Variants in TMF1 observed in about 807,000 individuals in gnomAD.
TMF1 encodes TATA element modulatory factor.
Under a neutral mutation model 126.5 loss-of-function variants are expected in TMF1, and 71 were observed. That is an observed-to-expected ratio of 0.56 (90% CI 0.46 to 0.68). TMF1 has a LOEUF of 0.68. Among genes scored for constraint, TMF1 ranks in the 30% least tolerant of loss-of-function variants. TMF1 has a pLI of 0.00. For synonymous variants in TMF1, 461 were observed against 430.5 expected (o/e 1.07, Z -0.88); for missense variants, 1,259 against 1,253.2 (o/e 1.00, Z -0.07).
chr3:69,026,788 T>C (rs1426737645), intron 13 of TMF1, among the ~76,000 whole-genome samples: 1 of 152,124 alleles, frequency 6.6e-6, no homozygotes. Context: ...ATACTATCAA[T>C]TAAACCTATT....
chr3:69,038,511 G>A, intron 8 of TMF1, 53 bp downstream of exon 8: 1 of 1,555,396 alleles, frequency 6.4e-7, no homozygotes, highest in Non-Finnish European at 8.8e-7. Context: ...TTAATTTGTA[G>A]AAGCATAAAC....
At chr3:69,051,680 A>C (rs2091930426) in intron 1 of TMF1, among the ~76,000 whole-genome samples, 1 of 152,046 alleles carries the variant, frequency 6.6e-6, no homozygotes, top group African/African-American at 2.4e-5. Flanking sequence ...AAGACCAACC[A>C]ACCAAGTCCC....
chr3:69,022,303 A>G lies in TMF1; in HGVS notation c.*874T>C, dbSNP rs2107451304. 1 of 152,388 alleles carries G rather than the reference A, an allele frequency of 6.6e-6. No individual in the cohort carries two copies. Among genetic ancestry groups the G allele is most frequent in the East Asian group, 1.9e-4 (1 of 5,194 alleles). The allele number at this position is 152,388 out of a possible 1,614,324, so 9.4% of individuals were successfully genotyped here. ...TGCTAAAAATATGGGTTTACAAAATATGAACAGGTAATTTTTAAAGAGTAA... is the reference window on the plus strand; with the variant it reads ...TGCTAAAAATATGGGTTTACAAAATGTGAACAGGTAATTTTTAAAGAGTAA... On this transcript the variant is annotated 3_prime_UTR_variant, in exon 17 of 17. Transcript: ENST00000398559.
intron 2 of TMF1, among the ~76,000 whole-genome samples, chr3:69,045,472 A>AAAAT (rs919742317): frequency 6.1e-5 from 9 of 147,554 alleles, no homozygotes; most frequent in East Asian, 4.1e-4. Flanking sequence ...TCAAAAAGTA[A>AAAAT]AAATAAATAA....
intron 10 of TMF1, 97 bp downstream of exon 10, chr3:69,033,451 T>C (rs1575812243): frequency 4.5e-6 from 6 of 1,334,396 alleles, no homozygotes; most frequent in Admixed American, 2.6e-5. Flanking sequence ...AAAATGTAAC[T>C]ATCAGATCAA....
chr3:69,038,123 C>G (rs943545761), intron 8 of TMF1, among the ~76,000 whole-genome samples: 1 of 152,086 alleles, frequency 6.6e-6, no homozygotes, highest in Non-Finnish European at 1.5e-5. Flanking sequence ...TTGATAATAA[C>G]CACAAAGTAT....
In TMF1 at chr3:69,038,697, G is replaced by C; in HGVS notation, c.2018C>G (p.Ala673Gly). The C allele has an allele frequency of 6.2e-7, 1 of 1,612,398 alleles. No individual in the cohort carries two copies. Residue 673 changes from alanine to glycine, a missense_variant, in exon 8 of 17, where the codon GCC becomes GGC. By Grantham distance (60) the Ala-to-Gly change is moderately conservative. Coordinates refer to ENST00000398559, the MANE Select transcript of TMF1 (RefSeq NM_007114.3). Reference sequence around the variant, plus strand: ...TGCCTCACTATCCTTTGCAGCATTGGCTTTGTGAAGATCAGTAAGTTCTCT... The same window carrying C: ...TGCCTCACTATCCTTTGCAGCATTGCCTTTGTGAAGATCAGTAAGTTCTCT... The part of the protein sequence containing the change: ...AYKELTDLHK[A>G]NAAKDSEAQE...
chr3:69,027,036 C>A (rs1364926947), intron 13 of TMF1, among the ~76,000 whole-genome samples: 1 of 151,954 alleles, frequency 6.6e-6, no homozygotes, highest in Non-Finnish European at 1.5e-5. Context: ...CGATCTGTTG[C>A]CCAGGCTGGA....
Position 69,047,534 on chromosome 3 carries a change from C to T in TMF1, c.1171G>A (p.Ala391Thr), listed in dbSNP as rs1218521923. ...CTTCGTCCACTTTCTTCCATTTCTG[C>T]TTCCTCAGTGGGTATAACTAATGTT... ...NETLVIPTEEAEMEESGRSAT... is the reference protein window; with the variant it reads ...NETLVIPTEETEMEESGRSAT... The change falls in exon 2 of 17, where the codon GCA becomes ACA. Residue 391 changes from alanine to threonine, a missense_variant. Coordinates refer to ENST00000398559, the MANE Select transcript of TMF1 (RefSeq NM_007114.3). 2.0e-5 allele frequency: 32 copies of T among 1,614,030 alleles called. No homozygotes were observed. In the South Asian group the frequency reaches 3.2e-4, roughly 16 times the overall value.
At chr3:69,043,000 C>A in intron 4 of TMF1, 88 bp from the exon 5 acceptor site, 1 of 901,090 alleles carries the variant, frequency 1.1e-6, no homozygotes, top group Non-Finnish European at 1.7e-6. Flanking sequence ...AAGAAGCTGT[C>A]CATAATCACA....
At chr3:69,028,048 A>C (rs779806673) in intron 12 of TMF1, 56 bp from the exon 13 acceptor site, 2 of 1,204,190 alleles carry the variant, frequency 1.7e-6, no homozygotes, top group African/African-American at 3.1e-5. Context: ...ATGCCATGAT[A>C]AGTCAATCTC....
At chr3:69,023,445 T>C in intron 16 of TMF1, 125 bp from the exon 17 acceptor site, 2 of 800,624 alleles carry the variant, frequency 2.5e-6, no homozygotes, top group Non-Finnish European at 3.7e-6. Flanking sequence ...TCATCTCTTT[T>C]AAAAATTAAA....
chr3:69,048,626 A>G, intron 1 of TMF1, 64 bp from the exon 2 acceptor site: 1 of 1,347,768 alleles, frequency 7.4e-7, no homozygotes, highest in Non-Finnish European at 9.9e-7. Flanking sequence ...TTCAATCATC[A>G]TTATAAATCA....
At chr3:69,023,816 G>A (rs989975666) in intron 16 of TMF1, among the ~76,000 whole-genome samples, 3 of 152,102 alleles carry the variant, frequency 2.0e-5, no homozygotes, top group African/African-American at 7.2e-5. Flanking sequence ...TAAATGAAGT[G>A]TAGCCAAATG....
intron 8 of TMF1, among the ~76,000 whole-genome samples, chr3:69,037,537 G>T (rs1167251173): frequency 1.3e-5 from 2 of 152,176 alleles, no homozygotes; most frequent in Non-Finnish European, 2.9e-5. Context: ...AGCTACTCGG[G>T]AGGCTGAAGC....
At chr3:69,038,489 C>T in intron 8 of TMF1, 75 bp downstream of exon 8, 2 of 1,491,368 alleles carry the variant, frequency 1.3e-6, no homozygotes, top group Non-Finnish European at 9.1e-7. Context: ...TTGATTCAAA[C>T]CAGCTAATTG....
chr3:69,028,125 T>C, intron 12 of TMF1, 101 bp downstream of exon 12: 1 of 1,172,994 alleles, frequency 8.5e-7, no homozygotes, highest in East Asian at 2.4e-5. Context: ...CCAAAAGCAG[T>C]GGCATCACCC....
At chr3:69,038,183 C>T (rs1266873080) in intron 8 of TMF1, among the ~76,000 whole-genome samples, 2 of 152,196 alleles carry the variant, frequency 1.3e-5, no homozygotes, top group African/African-American at 4.8e-5. Flanking sequence ...CAAAGCCTCA[C>T]AAATTTTGTT....
chr3:69,025,830 A>G lies in TMF1; in HGVS notation c.2860-118T>C, dbSNP rs2091764366. On this transcript the variant is annotated intron_variant, in intron 14 of 16. Transcript: ENST00000398559. ...GCTTTAAATGTCTTCTCAAAGGCAG[A>G]AAATCATTCACGTGTTTCCTCTCAC... 5 of 1,248,148 alleles carry G rather than the reference A, an allele frequency of 4.0e-6. No individual in the cohort carries two copies. In the South Asian group the frequency reaches 7.4e-5, roughly 18 times the overall value. 77.3% of individuals were successfully genotyped at this position (1,248,148 alleles called of 1,614,324 possible).
Sources: gnomAD v4.1 joint callset for allele counts (sites outside exome capture counted in the v4.1 genomes callset) on GRCh38, gnomAD v4.1.1 for gene constraint, MANE v1.5 for transcripts, NCBI Gene and HGNC (gene_info 2026-07-23, HGNC 2026-07-21) for gene names.